Variants in CNBD1 observed in about 807,000 individuals in gnomAD.
CNBD1 encodes the protein cyclic nucleotide binding domain containing 1, also known as cyclic nucleotide-binding domain-containing protein 1.
Under a neutral mutation model 54.4 loss-of-function variants are expected in CNBD1, and 71 were observed. The observed-to-expected ratio is 1.30, with a 90% CI of 1.08 to 1.59. The LOEUF (loss-of-function observed/expected upper bound fraction) is 1.59. Among genes scored for constraint, CNBD1 ranks in the 40% most tolerant of loss-of-function variants. The pLI is 0.00. For missense variants in CNBD1, 659 were observed against 518.0 expected, an observed-to-expected ratio of 1.27 and a Z score of -2.64; for synonymous variants, 182 against 170.7, an observed-to-expected ratio of 1.07 and a Z score of -0.51.
intron 3 of CNBD1, chr8:87,428,619 TA>T (rs958002003): frequency 2.9e-5 from 13 of 452,764 alleles, no homozygotes; most frequent in Admixed American, 1.9e-4. Flanking sequence ...CAGATGTAAG[TA>T]AAATGTTCAA....
At chr8:87,296,227 C>A (rs1205246924) in intron 8 of CNBD1, among the ~76,000 whole-genome samples, 1 of 152,148 alleles carries the variant, frequency 6.6e-6, no homozygotes, top group African/African-American at 2.4e-5. Context: ...CATAGGAGTG[C>A]ATTAGCATAA....
At chr8:87,076,442 A>G (rs938701761) in intron 4 of CNBD1, among the ~76,000 whole-genome samples, 1 of 151,868 alleles carries the variant, frequency 6.6e-6, no homozygotes, top group African/African-American at 2.4e-5. Context: ...AAATAGTGTA[A>G]TGGAACTTTT....
chr8:86,971,614 G>T (rs1808220137), intron 4 of CNBD1, among the ~76,000 whole-genome samples: 1 of 152,034 alleles, frequency 6.6e-6, no homozygotes, highest in South Asian at 2.1e-4. Flanking sequence ...TGTATATTTT[G>T]CATTTATTTT....
In CNBD1 at chr8:86,951,444, G is replaced by A. The variant is rs1586157317; in HGVS notation, c.431+11690G>A. Among the ~76,000 whole-genome samples, 7 of 151,498 alleles carry A rather than the reference G, an allele frequency of 4.6e-5. No individual in the cohort carries two copies. In the South Asian group the frequency reaches 1.5e-3, roughly 32 times the overall value. On this transcript the variant is annotated intron_variant, in intron 4 of 10. Coordinates refer to ENST00000518476, the MANE Select transcript of CNBD1 (RefSeq NM_173538.3). Reference sequence around the variant, plus strand: ...TCTCTACTAAAAGTAGCTGGGTGTGGTGGTGGGCACCTGTAATCCCAGCTA... The same window carrying A: ...TCTCTACTAAAAGTAGCTGGGTGTGATGGTGGGCACCTGTAATCCCAGCTA...
At chr8:87,040,463 G>A (rs980224663) in intron 4 of CNBD1, among the ~76,000 whole-genome samples, 8 of 134,172 alleles carry the variant, frequency 6.0e-5, no homozygotes, top group African/African-American at 8.5e-5. Flanking sequence ...TTGCTTTGTC[G>A]CCCAGTCTGG....
At chr8:87,325,803 A>G (rs1360614328) in intron 8 of CNBD1, among the ~76,000 whole-genome samples, 2 of 149,130 alleles carry the variant, frequency 1.3e-5, no homozygotes, top group Non-Finnish European at 3.0e-5. Context: ...GTCCATTTAC[A>G]TTTAAAGTTT....
At chr8:87,291,000 C>G (rs113614798) in intron 8 of CNBD1, among the ~76,000 whole-genome samples, 1 of 152,122 alleles carries the variant, frequency 6.6e-6, no homozygotes, top group African/African-American at 2.4e-5. Context: ...CTATTTATTA[C>G]TAATCTCTCT....
chr8:87,279,633 A>C (rs1376201528), intron 6 of CNBD1, among the ~76,000 whole-genome samples: 1 of 151,362 alleles, frequency 6.6e-6, no homozygotes, highest in Non-Finnish European at 1.5e-5. Context: ...GATATTTCAT[A>C]ATGAGTATGA....
chr8:87,042,678 A>T (rs184230649), intron 4 of CNBD1, among the ~76,000 whole-genome samples: 54 of 152,246 alleles, frequency 3.5e-4, no homozygotes, highest in Non-Finnish European at 1.5e-5. Context: ...TGTTATATTC[A>T]TCTGTTTTCA....
chr8:87,285,959 G>A (rs746362052), intron 7 of CNBD1, among the ~76,000 whole-genome samples: 5 of 152,210 alleles, frequency 3.3e-5, no homozygotes, highest in Admixed American at 6.5e-5. Flanking sequence ...CTTAAGCCAG[G>A]TGCAGGTCCT....
chr8:87,371,810 A>G (rs924815150), intron 10 of CNBD1, among the ~76,000 whole-genome samples: 2 of 152,026 alleles, frequency 1.3e-5, no homozygotes, highest in Non-Finnish European at 1.5e-5. Flanking sequence ...AAAACTCTCA[A>G]TAAATTAGGT....
intron 8 of CNBD1, among the ~76,000 whole-genome samples, chr8:87,344,177 G>A (rs955347511): frequency 2.6e-5 from 4 of 151,968 alleles, no homozygotes; most frequent in African/African-American, 9.7e-5. Context: ...AACATAATGT[G>A]TCAAAAATTA....
intron 4 of CNBD1, among the ~76,000 whole-genome samples, chr8:87,088,663 C>CTATTAGTAA (rs1424168916): frequency 3.3e-5 from 5 of 152,008 alleles, no homozygotes; most frequent in African/African-American, 1.2e-4. Flanking sequence ...ATTGGTTTTA[C>CTATTAGTAA]TAGTTTTCTA....
intron 3 of CNBD1, among the ~76,000 whole-genome samples, chr8:86,934,224 C>T (rs896063173): frequency 6.6e-6 from 1 of 152,090 alleles, no homozygotes; most frequent in African/African-American, 2.4e-5. Flanking sequence ...TTATTTTTCA[C>T]AACACATATA....
intron 2 of CNBD1, among the ~76,000 whole-genome samples, chr8:87,389,194 A>C (rs991938578): frequency 3.3e-5 from 5 of 152,216 alleles, no homozygotes; most frequent in Non-Finnish European, 5.9e-5. Flanking sequence ...CTGGCACAAG[A>C]CAGGGATGCC....
At chr8:87,395,765 C>T (rs544823645) in intron 2 of CNBD1, among the ~76,000 whole-genome samples, 1 of 151,752 alleles carries the variant, frequency 6.6e-6, no homozygotes, top group Admixed American at 6.6e-5. Context: ...AATTGCAGTT[C>T]CCCTAATCCC....
intron 4 of CNBD1, among the ~76,000 whole-genome samples, chr8:87,055,891 CTT>C (rs2130630669): frequency 2.3e-5 from 1 of 43,654 alleles, no homozygotes; most frequent in African/African-American, 1.6e-4. Context: ...CCTTTCCTTC[CTT>C]CCTTCCTTCC....
intron 4 of CNBD1, among the ~76,000 whole-genome samples, chr8:87,080,580 A>C (rs1247482002): frequency 6.6e-6 from 1 of 152,132 alleles, no homozygotes; most frequent in East Asian, 1.9e-4. Context: ...CAAAAAAAAA[A>C]AAAATAGATT....
intron 3 of CNBD1, among the ~76,000 whole-genome samples, chr8:86,918,575 G>T (rs957311844): frequency 1.3e-5 from 2 of 151,876 alleles, no homozygotes; most frequent in African/African-American, 4.8e-5. Flanking sequence ...AGTCTCATGA[G>T]ATCTGATGGT....
Sources: allele counts gnomAD v4.1 joint callset (sites outside exome capture counted in the v4.1 genomes callset), GRCh38; gene constraint gnomAD v4.1.1; transcripts MANE v1.5; gene names NCBI Gene and HGNC (gene_info 2026-07-23, HGNC 2026-07-21).